Variants in CUL9 observed in about 807,000 individuals in gnomAD.
CUL9 encodes the protein cullin-9.
Under a neutral mutation model 272.6 loss-of-function variants are expected in CUL9, and 79 were observed. That is an observed-to-expected ratio of 0.29 (90% CI 0.24 to 0.35). The LOEUF is 0.35. Ranked by LOEUF, CUL9 falls within the 10% of genes least tolerant of loss-of-function variation. The probability of loss-of-function intolerance (pLI) is 1.00; values close to 1 mark genes in which losing one functional copy is unlikely to be tolerated. For synonymous variants in CUL9, 1,186 were observed against 1,286.5 expected (o/e 0.92, Z 1.67); for missense variants, 2,532 against 3,255.6 (o/e 0.78, Z 5.41).
At position 43,216,284 on chromosome 6, in the gene CUL9, A is replaced by G; in HGVS notation, c.6063A>G (p.Pro2021=). The stretch of plus-strand genomic sequence containing the variant: ...TGCAGGAGACGCTGAACTTAGAGCC[A>G]GATGTCGCTCAGCACCTTTTGGCTC... The part of the protein sequence containing the change: ...RQVQETLNLE[P]DVAQHLLAHS... Residue 2021 remains proline (P), a synonymous_variant, in exon 31 of 41, where the codon CCA becomes CCG. Transcript: ENST00000252050. 6.2e-7 allele frequency: 1 copy of G among 1,614,078 alleles called. No homozygotes were observed. Among genetic ancestry groups the G allele is most frequent in the Middle Eastern group, 1.6e-4 (1 of 6,062 alleles).
chr6:43,209,717 C>G (rs1775325965), intron 26 of CUL9, among the ~76,000 whole-genome samples: 1 of 152,106 alleles, frequency 6.6e-6, no homozygotes, highest in Non-Finnish European at 1.5e-5. Flanking sequence ...TCAATCCCAG[C>G]TCACTGCAAC....
chr6:43,192,786 G>T (rs996276385), intron 8 of CUL9, among the ~76,000 whole-genome samples: 1 of 152,200 alleles, frequency 6.6e-6, no homozygotes, highest in Non-Finnish European at 1.5e-5. Context: ...TTTTTCTAAT[G>T]CCTCCTTCAT....
In CUL9 at chr6:43,221,374, C is replaced by G; in HGVS notation, c.6752+53C>G. The G allele has an allele frequency of 6.5e-7, 1 of 1,526,924 alleles. No homozygotes were observed. Among genetic ancestry groups the G allele is most frequent in the Non-Finnish European group, 8.8e-7 (1 of 1,139,044 alleles). 94.6% of individuals were successfully genotyped at this position (1,526,924 alleles called of 1,614,324 possible). On this transcript the variant is annotated intron_variant, in intron 34 of 40. Transcript: ENST00000252050. This position sits in a 1 kb window ranked among gnomAD's most constrained non-coding sequence, Gnocchi z 4.2. ...AGAGGGCAAGGAGGGGGGAGGAGGC[C>G]TGGCAGAAGGAGGGGGGAACGGGCT...
In CUL9 at chr6:43,184,531, C is replaced by T; in HGVS notation, c.221C>T (p.Ala74Val). The T allele has an allele frequency of 1.2e-6, 2 of 1,612,696 alleles. No individual in the cohort carries two copies. Among genetic ancestry groups the T allele is most frequent in the Non-Finnish European group, 1.7e-6 (2 of 1,178,930 alleles). Residue 74 changes from alanine to valine, a missense_variant, in exon 2 of 41, where the codon GCC (alanine) becomes GTC (valine). Transcript: ENST00000252050. The surrounding 1 kb of genome is among the most constrained non-coding windows in gnomAD (Gnocchi z 4.8). ...TGGCTGTCGGCTCCTGAGGTCTACG[C>T]CAACTGCCCTGGGCTGTTAGGTGAG... ...LMWLSAPEVY[A>V]NCPGLLGERA...
In CUL9 at chr6:43,221,530, C is replaced by T; in HGVS notation, c.6753-155C>T. 1 of 868,416 alleles carries T rather than the reference C, an allele frequency of 1.2e-6. No homozygotes were observed. The highest frequency in any genetic ancestry group is 1.8e-6 in the Non-Finnish European group (1 of 570,744). The allele number at this position is 868,416 out of a possible 1,614,324, so 53.8% of individuals were successfully genotyped here. On this transcript the variant is annotated intron_variant, in intron 34 of 40. Transcript: ENST00000252050. This position sits in a 1 kb window ranked among gnomAD's most constrained non-coding sequence, Gnocchi z 4.2. ...CACACTGACTGGGGGAGTTCAAAAGCAGAGGTGCATTCAGCAGGGCTGGGT... is the reference window on the plus strand; with the variant it reads ...CACACTGACTGGGGGAGTTCAAAAGTAGAGGTGCATTCAGCAGGGCTGGGT...
rs771841382 is a variant in CUL9 at position 43,213,745 on chromosome 6, C to A, written c.5521C>A (p.Arg1841Ser). 2.5e-6 allele frequency: 4 copies of A among 1,613,670 alleles called. No homozygotes were observed. In the African/African-American group the frequency reaches 4.0e-5, roughly 16 times the overall value. Residue 1841 changes from arginine (R) to serine (S), a missense_variant, in exon 29 of 41, where the codon CGC (arginine) becomes AGC (serine). By Grantham distance (110) the Arg-to-Ser change is moderately radical. Coordinates refer to ENST00000252050, the MANE Select transcript of CUL9 (RefSeq NM_015089.4). The surrounding 1 kb of genome is among the most constrained non-coding windows in gnomAD (Gnocchi z 5.7). ...GCGGCTTCATGAGCCTGGGCCCCAG[C>A]GCAGTGGGGAGGCCCTGTGGCTGAT... ...VLRLHEPGPQ[R>S]SGEALWLIPP...
At chr6:43,204,672 G>A (rs1774906326) in intron 21 of CUL9, 76 bp from the exon 22 acceptor site, 1 of 1,584,050 alleles carries the variant, frequency 6.3e-7, no homozygotes, top group East Asian at 2.2e-5. Flanking sequence ...GCCTTTCCAG[G>A]AGATCACTAC....
Position 43,213,616 on chromosome 6 carries a change from G to A in CUL9, c.5488+49G>A, listed in dbSNP as rs377046102. 5.1e-5 allele frequency: 81 copies of A among 1,601,192 alleles called. No individual in the cohort carries two copies. Among genetic ancestry groups the A allele is most frequent in the African/African-American group, 3.1e-4 (23 of 74,208 alleles). Reference sequence around the variant, plus strand: ...AGCCTCTGCTGCTGGTCGGGGGGTCGCCCTCAAGATGGGGGGACTGTGAGA... The same window carrying A: ...AGCCTCTGCTGCTGGTCGGGGGGTCACCCTCAAGATGGGGGGACTGTGAGA... On this transcript the variant is annotated intron_variant, in intron 28 of 40. Transcript: ENST00000252050. This position sits in a 1 kb window ranked among gnomAD's most constrained non-coding sequence, Gnocchi z 5.7.
At chr6:43,209,900 C>T (rs956050076) in intron 26 of CUL9, among the ~76,000 whole-genome samples, 1 of 152,188 alleles carries the variant, frequency 6.6e-6, no homozygotes, top group African/African-American at 2.4e-5. Flanking sequence ...TCTGCCTCAG[C>T]CTCCCAAAGT....
At chr6:43,205,457 G>A (rs1461788895) in intron 24 of CUL9, 34 bp downstream of exon 24, 7 of 1,601,520 alleles carry the variant, frequency 4.4e-6, no homozygotes, top group East Asian at 4.5e-5. Context: ...GGGGATGGGA[G>A]GCCTAGATCT....
chr6:43,189,271 C>T (rs1773209631), intron 8 of CUL9, among the ~76,000 whole-genome samples: 1 of 152,010 alleles, frequency 6.6e-6, no homozygotes, highest in Non-Finnish European at 1.5e-5. Flanking sequence ...CTCACTGCAA[C>T]CTCTGCCTCC....
At chr6:43,219,306 C>G (rs1756681085) in intron 31 of CUL9, among the ~76,000 whole-genome samples, 1 of 152,202 alleles carries the variant, frequency 6.6e-6, no homozygotes, top group Non-Finnish European at 1.5e-5. Flanking sequence ...AGTGGCACAA[C>G]AGCAATGCAA....
rs1020776939 is a variant in CUL9, at chr6:43,184,261, C to A, written c.-9-41C>A. On this transcript the variant is annotated intron_variant, in intron 1 of 40. Transcript: ENST00000252050. This position sits in a 1 kb window ranked among gnomAD's most constrained non-coding sequence, Gnocchi z 4.8. The stretch of plus-strand genomic sequence containing the variant: ...TCCACCCCCTCCATGTATTTTTTTT[C>A]TTTTCTCATACTGCCTTATCTTTCT... The A allele has an allele frequency of 7.4e-7, 1 of 1,353,928 alleles. No individual in the cohort carries two copies. The highest frequency in any genetic ancestry group is 9.7e-7 in the Non-Finnish European group (1 of 1,034,680). 83.9% of individuals were successfully genotyped at this position (1,353,928 alleles called of 1,614,324 possible).
At chr6:43,191,147 T>A (rs919035088) in intron 8 of CUL9, among the ~76,000 whole-genome samples, 12 of 152,152 alleles carry the variant, frequency 7.9e-5, no homozygotes, top group African/African-American at 7.2e-5. Flanking sequence ...TTGTTTTTTT[T>A]AAATTTATTT....
rs771179035 is a variant in CUL9, at chr6:43,186,304, C to T, written c.1100C>T (p.Ser367Phe). 1 of 1,614,234 alleles carries T rather than the reference C, an allele frequency of 6.2e-7. No homozygotes were observed. The highest frequency in any genetic ancestry group is 8.5e-7 in the Non-Finnish European group (1 of 1,180,054). Residue 367 changes from serine to phenylalanine, a missense_variant, in exon 4 of 41, where the codon TCT becomes TTT. This residue lies in a region of CUL9 where 2,218 missense variants were observed against 2,788.6 expected (regional missense o/e 0.80). Coordinates refer to ENST00000252050, the MANE Select transcript of CUL9 (RefSeq NM_015089.4). ...CAAGGGTGGGTCTTCCGCCAGCGCT[C>T]TGAATTCTCCAGCCGTAGTGGCTAT... is the stretch of plus-strand genomic sequence containing the variant. ...RRQGWVFRQRSEFSSRSGYGE... is the reference protein window; with the variant it reads ...RRQGWVFRQRFEFSSRSGYGE...
chr6:43,224,435 C>G lies in CUL9; in HGVS notation c.7544C>G (p.Ala2515Gly). 3.1e-6 allele frequency: 5 copies of G among 1,613,384 alleles called. No homozygotes were observed. The highest frequency in any genetic ancestry group is 4.2e-6 in the Non-Finnish European group (5 of 1,179,736). The change falls in exon 41 of 41, where the codon GCC becomes GGC. Residue 2515 changes from alanine to glycine, a missense_variant. Physicochemically the swap from Ala to Gly is moderately conservative, Grantham distance 60 (BLOSUM62 0). Around this residue, in one of 3 missense-constraint regions of CUL9, gnomAD observed 237 missense variants for 305.9 expected, o/e 0.77. Coordinates refer to ENST00000252050, the MANE Select transcript of CUL9 (RefSeq NM_015089.4). This position sits in a 1 kb window ranked among gnomAD's most constrained non-coding sequence, Gnocchi z 4.2. Reference protein sequence around the residue: ...FGDEEEDEDEAYD With the variant: ...FGDEEEDEDEGYD ...GATGAGGAAGAGGATGAAGATGAGGCCTATGACTGAGGGGGCAGATGCAGG... is the reference window on the plus strand; with the variant it reads ...GATGAGGAAGAGGATGAAGATGAGGGCTATGACTGAGGGGGCAGATGCAGG...
Position 43,215,169 on chromosome 6 carries a change from C to G in CUL9, c.5779C>G (p.Leu1927Val). 1 of 1,614,230 alleles carries G rather than the reference C, an allele frequency of 6.2e-7. No homozygotes were observed. The highest frequency in any genetic ancestry group is 8.5e-7 in the Non-Finnish European group (1 of 1,180,040). Residue 1927 changes from leucine to valine, a missense_variant, in exon 30 of 41, where the codon CTC (leucine) becomes GTC (valine). By Grantham distance (32) the Leu-to-Val change is conservative. Transcript: ENST00000252050. ...TGTGGCCTGTACCAGTACAGATGTCCTCTCTTGCATCCTGCACCTCTTAGG... is the reference window on the plus strand; with the variant it reads ...TGTGGCCTGTACCAGTACAGATGTCGTCTCTTGCATCCTGCACCTCTTAGG... Reference protein sequence around the residue: ...GGVACTSTDVLSCILHLLGQG... With the variant: ...GGVACTSTDVVSCILHLLGQG...
In CUL9 at chr6:43,199,284, G is replaced by A. The variant is rs1157089238; in HGVS notation, c.3069G>A (p.Leu1023=). The A allele has an allele frequency of 6.2e-7, 1 of 1,613,278 alleles. No homozygotes were observed. Among genetic ancestry groups the A allele is most frequent in the African/African-American group, 1.3e-5 (1 of 74,886 alleles). ...LSVLRVITRL[L]DFPEAMVLPW... is the part of the protein sequence containing the mutation. ...TCACCAGGGTCATAACCCGACTGCT[G>A]GATTTCCCTGAGGCAATGGTCCTCC... Residue 1023 remains leucine, a synonymous_variant, in exon 13 of 41, where the codon CTG becomes CTA. Transcript: ENST00000252050. This position sits in a 1 kb window ranked among gnomAD's most constrained non-coding sequence, Gnocchi z 4.4.
In CUL9 at chr6:43,206,159, T is replaced by C; in HGVS notation, c.4946T>C (p.Leu1649Pro). Residue 1649 changes from leucine to proline, a missense_variant, in exon 25 of 41, where the codon CTC becomes CCC. Transcript: ENST00000252050. This position sits in a 1 kb window ranked among gnomAD's most constrained non-coding sequence, Gnocchi z 4.8. ...GAGGAGCTGCAGCGCCAGTTCCACC[T>C]CTTCCAGCTCCAGCGGCTCGACAAG... ...TSEELQRQFH[L>P]FQLQRLDKLF... 6.2e-7 allele frequency: 1 copy of C among 1,614,078 alleles called. No individual in the cohort carries two copies. Among genetic ancestry groups the C allele is most frequent in the Non-Finnish European group, 8.5e-7 (1 of 1,179,986 alleles).
Sources: gnomAD v4.1 joint callset for allele counts (sites outside exome capture counted in the v4.1 genomes callset) on GRCh38, gnomAD v4.1.1 for gene constraint, gnomAD v4.1.1 regional missense constraint, Gnocchi (gnomAD v3.1) non-coding constraint, MANE v1.5 for transcripts, NCBI Gene and HGNC (gene_info 2026-07-23, HGNC 2026-07-21) for gene names.